The following KCNJ1 variants were observed in gnomAD, a reference collection of about 807,000 sequenced individuals.
KCNJ1 encodes potassium inwardly rectifying channel subfamily J member 1.
A neutral mutation model predicts 21.9 loss-of-function variants in KCNJ1; 24 were observed. The ratio of observed to expected loss-of-function variants is 1.10; its 90% CI spans 0.79 to 1.54. KCNJ1 has a LOEUF of 1.54. Ranked by LOEUF, KCNJ1 falls within the 40% of genes most tolerant of loss-of-function variation. The pLI, the probability that KCNJ1 is intolerant of heterozygous loss-of-function variation, is 0.00. For synonymous variants in KCNJ1, 152 were observed against 160.9 expected, an observed-to-expected ratio of 0.94 and a Z score of 0.42; for missense variants, 457 against 455.4, an observed-to-expected ratio of 1.00 and a Z score of -0.03.
intron 2 of KCNJ1, among the ~76,000 whole-genome samples, chr11:128,845,562 C>T (rs1943364328): frequency 6.6e-6 from 1 of 152,220 alleles, no homozygotes; most frequent in Non-Finnish European, 1.5e-5. Context: ...ACACTTATCA[C>T]ATCCAGAACC....
intron 1 of KCNJ1, among the ~76,000 whole-genome samples, chr11:128,856,165 T>C (rs986239597): frequency 2.0e-5 from 3 of 152,190 alleles, no homozygotes; most frequent in Non-Finnish European, 4.4e-5. Context: ...GGGAGAAGAC[T>C]GTTTATCCGG....
At chr11:128,850,107 C>G (rs536672374) in intron 2 of KCNJ1, among the ~76,000 whole-genome samples, 1 of 152,202 alleles carries the variant, frequency 6.6e-6, no homozygotes, top group South Asian at 2.1e-4. Context: ...TGGAGCAGGT[C>G]GTTTAACCTC....
At chr11:128,856,352 C>T (rs999866228) in intron 1 of KCNJ1, among the ~76,000 whole-genome samples, 13 of 152,228 alleles carry the variant, frequency 8.5e-5, no homozygotes, top group African/African-American at 3.1e-4. Context: ...GGGCACAGGG[C>T]TTGGTGATGG....
intron 2 of KCNJ1, among the ~76,000 whole-genome samples, chr11:128,847,222 A>T (rs1430446996): frequency 6.6e-6 from 1 of 151,808 alleles, no homozygotes; most frequent in African/African-American, 2.4e-5. Flanking sequence ...CCTTTCCAAA[A>T]CCCTCTCAGT....
At chr11:128,848,227 G>T (rs1943417461) in intron 2 of KCNJ1, among the ~76,000 whole-genome samples, 1 of 147,510 alleles carries the variant, frequency 6.8e-6, no homozygotes, top group South Asian at 2.2e-4. Flanking sequence ...GGCGGAGCTT[G>T]CAGTGAGCCA....
At position 128,862,082 on chromosome 11, in the gene KCNJ1, C is replaced by T. The variant is rs189751158; in HGVS notation, c.-192+5091G>A. On this transcript the variant is annotated intron_variant, in intron 1 of 2. Coordinates refer to ENST00000392666, the MANE Select transcript of KCNJ1 (RefSeq NM_153766.3). ...TCGCACCGCTCATCTTGCTGCAGTGCCATCCTCCCAGTCTCTCCACCCCTT... is the reference window on the plus strand; with the variant it reads ...TCGCACCGCTCATCTTGCTGCAGTGTCATCCTCCCAGTCTCTCCACCCCTT... 2.2e-3 allele frequency among the ~76,000 whole-genome samples: 337 copies of T among 152,264 alleles called. 1 individual carries two copies. The highest frequency in any genetic ancestry group is 7.7e-3 in the African/African-American group (320 of 41,546).
chr11:128,843,816 A>G (rs1169537177), intron 2 of KCNJ1, among the ~76,000 whole-genome samples: 1 of 152,190 alleles, frequency 6.6e-6, no homozygotes, highest in Non-Finnish European at 1.5e-5. Context: ...CCCAATGTTG[A>G]CTGTGTGTGC....
chr11:128,856,090 A>G (rs956982653), intron 1 of KCNJ1, among the ~76,000 whole-genome samples: 1 of 151,454 alleles, frequency 6.6e-6, no homozygotes, highest in African/African-American at 2.5e-5. Context: ...GCGGGAAAAG[A>G]CAGCAGGCTC....
intron 1 of KCNJ1, among the ~76,000 whole-genome samples, chr11:128,855,018 T>C (rs991005252): frequency 1.3e-5 from 2 of 152,206 alleles, no homozygotes; most frequent in African/African-American, 2.4e-5. Context: ...CTCTGCAGCT[T>C]ACTGGTGCAT....
chr11:128,840,469 A>G (rs962447617), intron 2 of KCNJ1, among the ~76,000 whole-genome samples: 1 of 152,242 alleles, frequency 6.6e-6, no homozygotes, highest in Non-Finnish European at 1.5e-5. Context: ...TTACTCAAAC[A>G]TAAAGAGGCA....
chr11:128,851,406 A>G (rs113880595), intron 1 of KCNJ1, among the ~76,000 whole-genome samples: 3,748 of 152,348 alleles, frequency 0.025, 141 homozygotes, highest in African/African-American at 0.078. Context: ...TTTGCAAATC[A>G]AATAATCATT....
chr11:128,839,199 T>C lies in KCNJ1; in HGVS notation c.1045A>G (p.Arg349Gly), dbSNP rs540546979. ...CLYNEKDVRA[R>G]MKRGYDNPNF... ...GGGTTGTCATAGCCTCTCTTCATCC[T>C]GGCTCTAACATCTTTCTCATTATAA... The change falls in exon 3 of 3, where the codon AGG (arginine) becomes GGG (glycine). Residue 349 changes from arginine to glycine, a missense_variant. Arg to Gly is a moderately radical substitution (Grantham distance 125). Coordinates refer to ENST00000392666, the MANE Select transcript of KCNJ1 (RefSeq NM_153766.3). 5.6e-5 allele frequency: 90 copies of C among 1,614,224 alleles called. No homozygotes were observed. The highest frequency in any genetic ancestry group is 4.3e-4 in the South Asian group (39 of 91,084).
chr11:128,860,713 C>G (rs1403600850), intron 1 of KCNJ1, among the ~76,000 whole-genome samples: 1 of 152,174 alleles, frequency 6.6e-6, no homozygotes, highest in Non-Finnish European at 1.5e-5. Flanking sequence ...ACAGAGGAAA[C>G]AAGAAAATGC....
chr11:128,842,193 T>C (rs545850843), intron 2 of KCNJ1, among the ~76,000 whole-genome samples: 88 of 152,398 alleles, frequency 5.8e-4, no homozygotes, highest in African/African-American at 2.0e-3. Flanking sequence ...TGAGTTTTTT[T>C]CCCAGCACCC....
At chr11:128,866,480 C>A (rs1943817657) in intron 1 of KCNJ1, 1 of 831,718 alleles carries the variant, frequency 1.2e-6, no homozygotes, top group Non-Finnish European at 1.5e-6. Flanking sequence ...CGTCTATGCA[C>A]CAAATCTGTA....
At chr11:128,843,493 C>A (rs771745637) in intron 2 of KCNJ1, among the ~76,000 whole-genome samples, 16 of 152,130 alleles carry the variant, frequency 1.1e-4, no homozygotes, top group South Asian at 6.2e-4. Context: ...ATAAACAATC[C>A]ATTCTCAGAA....
In KCNJ1 at chr11:128,849,451, G is replaced by C. The variant is rs1434040619; in HGVS notation, c.-22+1270C>G. On this transcript the variant is annotated intron_variant, in intron 2 of 2. Coordinates refer to ENST00000392666, the MANE Select transcript of KCNJ1 (RefSeq NM_153766.3). ...CCTTTTTAGATAGTGAGCATAAAAGGATCAGGAGGGGACAGTTTTCTGGGG... is the reference window on the plus strand; with the variant it reads ...CCTTTTTAGATAGTGAGCATAAAAGCATCAGGAGGGGACAGTTTTCTGGGG... 2.0e-4 allele frequency among the ~76,000 whole-genome samples: 30 copies of C among 152,316 alleles called. 1 individual carries two copies. Among genetic ancestry groups the C allele is most frequent in the Non-Finnish European group, 4.4e-5 (3 of 68,024 alleles).
intron 1 of KCNJ1, among the ~76,000 whole-genome samples, chr11:128,855,426 C>G (rs749854825): frequency 5.3e-5 from 8 of 152,162 alleles, no homozygotes; most frequent in Non-Finnish European, 1.2e-4. Flanking sequence ...TTAGTACTAA[C>G]CAAAATGCTG....
Position 128,840,041 on chromosome 11 carries a change from G to T in KCNJ1, c.203C>A (p.Ala68Asp), listed in dbSNP as rs1211961713. 1 of 1,614,120 alleles carries T rather than the reference G, an allele frequency of 6.2e-7. No homozygotes were observed. Among genetic ancestry groups the T allele is most frequent in the South Asian group, 1.1e-5 (1 of 91,064 alleles). Residue 68 changes from alanine (A) to aspartate (D), a missense_variant, in exon 3 of 3, where the codon GCC becomes GAC. Transcript: ENST00000392666. ...AAAGAAAAACCAACTCCCCAAGAAG[G>T]CTGTGATGAAAATGGTCATTTTGTA... ...WRYKMTIFIT[A>D]FLGSWFFFGL...
Sources: allele counts gnomAD v4.1 joint callset (sites outside exome capture counted in the v4.1 genomes callset), GRCh38; gene constraint gnomAD v4.1.1; transcripts MANE v1.5; gene names NCBI Gene and HGNC (gene_info 2026-07-23, HGNC 2026-07-21).